The following PTPRG variants were observed in gnomAD, a reference collection of about 807,000 sequenced individuals.
PTPRG encodes the protein receptor-type tyrosine-protein phosphatase gamma.
PTPRG carries 102 observed loss-of-function variants against 165.3 expected under a neutral mutation model. That is an observed-to-expected ratio of 0.62 (90% CI 0.53 to 0.73). PTPRG has a LOEUF of 0.73. Among genes scored for constraint, PTPRG ranks in the 30% least tolerant of loss-of-function variants. PTPRG has a pLI of 0.00. For synonymous variants in PTPRG, 675 were observed against 669.5 expected (o/e 1.01, Z -0.13); for missense variants, 1,866 against 1,861.4 (o/e 1.00, Z -0.05).
intron 1 of PTPRG, among the ~76,000 whole-genome samples, chr3:61,615,127 C>A (rs1701268369): frequency 6.6e-6 from 1 of 152,222 alleles, no homozygotes; most frequent in Non-Finnish European, 1.5e-5. Context: ...TTCCTACAAA[C>A]AAGAACAGTC....
chr3:61,760,803 G>A (rs941669484), intron 2 of PTPRG, among the ~76,000 whole-genome samples: 4 of 152,098 alleles, frequency 2.6e-5, no homozygotes, highest in Non-Finnish European at 2.9e-5. Flanking sequence ...TCTTTTCCCT[G>A]TGTCCATGTG....
intron 2 of PTPRG, among the ~76,000 whole-genome samples, chr3:61,813,470 C>T (rs140091150): frequency 0.019 from 2,657 of 139,674 alleles, 83 homozygotes; most frequent in African/African-American, 0.065. Flanking sequence ...GAGCTGAGAT[C>T]GTGCCACTGC....
chr3:61,989,665 C>T lies in PTPRG; in HGVS notation c.231C>T (p.Ser77=), dbSNP rs1228815831. ...AGCACTGGGTCACGTCTAGTGTCAG[C>T]TGTGGGGGCCGTCACCAGTCTCCTA... ...GPEHWVTSSV[S]CGGRHQSPID... is the part of the protein sequence containing the mutation. Residue 77 remains serine, a synonymous_variant, in exon 3 of 30, where the codon AGC becomes AGT. Coordinates refer to ENST00000474889, the MANE Select transcript of PTPRG (RefSeq NM_002841.4). The T allele has an allele frequency of 6.2e-7, 1 of 1,614,014 alleles. No individual in the cohort carries two copies. Among genetic ancestry groups the T allele is most frequent in the Non-Finnish European group, 8.5e-7 (1 of 1,180,006 alleles).
At chr3:62,281,444 T>C (rs1413052051) in intron 26 of PTPRG, 119 bp from the exon 27 acceptor site, 1 of 833,816 alleles carries the variant, frequency 1.2e-6, no homozygotes. Context: ...ATAACTCTTA[T>C]GAATTCAGTT....
intron 7 of PTPRG, among the ~76,000 whole-genome samples, chr3:62,162,293 G>A (rs900575191): frequency 1.3e-5 from 2 of 150,830 alleles, no homozygotes; most frequent in African/African-American, 2.4e-5. Flanking sequence ...GGTTAAAATT[G>A]TTCTTGAAAC....
At chr3:61,686,704 G>T (rs1360475735) in intron 1 of PTPRG, among the ~76,000 whole-genome samples, 2 of 152,196 alleles carry the variant, frequency 1.3e-5, no homozygotes, top group Non-Finnish European at 2.9e-5. Flanking sequence ...TGGCATATGT[G>T]CAGATGTTAC....
chr3:61,752,805 A>AAG (rs2033494049), intron 2 of PTPRG, among the ~76,000 whole-genome samples: 1 of 149,966 alleles, frequency 6.7e-6, no homozygotes. Context: ...AAAAAAAGAA[A>AAG]AAAAAAAAGA....
At chr3:62,266,546 A>G (rs78038036) in intron 17 of PTPRG, among the ~76,000 whole-genome samples, 1,817 of 152,114 alleles carry the variant, frequency 0.012, 38 homozygotes, top group African/African-American at 0.04. Flanking sequence ...TCAACTGTAA[A>G]CTGAAAGTTT....
intron 1 of PTPRG, among the ~76,000 whole-genome samples, chr3:61,633,988 C>G (rs963008806): frequency 1.3e-5 from 2 of 151,454 alleles, no homozygotes; most frequent in Non-Finnish European, 2.9e-5. Context: ...GATCTCAGCT[C>G]ACTGCAACCT....
chr3:62,043,977 T>C (rs999702700), intron 4 of PTPRG, among the ~76,000 whole-genome samples: 2 of 152,096 alleles, frequency 1.3e-5, no homozygotes, highest in Non-Finnish European at 2.9e-5. Context: ...TGGTGAAAAT[T>C]TTCAATTTTC....
At chr3:62,131,515 C>G (rs976011075) in intron 5 of PTPRG, among the ~76,000 whole-genome samples, 3 of 152,078 alleles carry the variant, frequency 2.0e-5, no homozygotes, top group African/African-American at 7.2e-5. Flanking sequence ...CTGAATTGAC[C>G]TGAAAACATC....
At chr3:61,621,027 GTGTGTGTATATATATATATATATA>G (rs1701435955) in intron 1 of PTPRG, among the ~76,000 whole-genome samples, 1 of 93,088 alleles carries the variant, frequency 1.1e-5, no homozygotes, top group African/African-American at 4.2e-5. Flanking sequence ...GCCCCAGTGT[GTGTGTGTATATATATATATATATA>G]TGTGTGTGTG....
intron 1 of PTPRG, among the ~76,000 whole-genome samples, chr3:61,640,984 A>G (rs1702043424): frequency 1.3e-5 from 2 of 152,070 alleles, no homozygotes; most frequent in Admixed American, 1.3e-4. Flanking sequence ...TGGTGTGGAG[A>G]TAGGAGGAGA....
At chr3:61,906,467 A>AC (rs1368845823) in intron 2 of PTPRG, among the ~76,000 whole-genome samples, 223 of 149,352 alleles carry the variant, frequency 1.5e-3, no homozygotes, top group African/African-American at 5.2e-3. Context: ...AAAAAAAAGG[A>AC]AAAAAAAACA....
chr3:61,818,558 A>T (rs532791394), intron 2 of PTPRG, among the ~76,000 whole-genome samples: 114 of 152,204 alleles, frequency 7.5e-4, no homozygotes, highest in African/African-American at 2.7e-3. Context: ...CAGCACTTTG[A>T]GAGGCTGAAG....
intron 5 of PTPRG, among the ~76,000 whole-genome samples, chr3:62,113,415 C>A (rs1702739833): frequency 6.6e-6 from 1 of 152,132 alleles, no homozygotes; most frequent in Admixed American, 6.6e-5. Context: ...TATTTAAATA[C>A]TTATTTATAA....
At chr3:61,703,476 TC>T (rs1309122576) in intron 1 of PTPRG, among the ~76,000 whole-genome samples, 5 of 152,206 alleles carry the variant, frequency 3.3e-5, no homozygotes, top group African/African-American at 1.2e-4. Flanking sequence ...GGTGGAGTGA[TC>T]CAGATTTGGA....
intron 1 of PTPRG, among the ~76,000 whole-genome samples, chr3:61,743,450 A>G (rs145078762): frequency 6.6e-6 from 1 of 152,322 alleles, no homozygotes; most frequent in East Asian, 1.9e-4. Context: ...TTATTACACT[A>G]TTCAGACTAC....
At chr3:61,711,264 TATC>T (rs1300052582) in intron 1 of PTPRG, among the ~76,000 whole-genome samples, 1 of 152,248 alleles carries the variant, frequency 6.6e-6, no homozygotes, top group East Asian at 1.9e-4. Context: ...TAGAATGATT[TATC>T]ATCTTTTGGG....
Sources: gnomAD v4.1 joint callset for allele counts (sites outside exome capture counted in the v4.1 genomes callset) on GRCh38, gnomAD v4.1.1 for gene constraint, MANE v1.5 for transcripts, NCBI Gene and HGNC (gene_info 2026-07-23, HGNC 2026-07-21) for gene names.